The following FRMPD3 variants were observed in gnomAD, a reference collection of about 807,000 sequenced individuals.
FRMPD3 encodes FERM and PDZ domain containing 3.
In FRMPD3, 42 loss-of-function variants were observed where a neutral mutation model predicts 97.9. The ratio of observed to expected loss-of-function variants is 0.43; its 90% CI spans 0.34 to 0.55. The LOEUF is 0.55. Ranked by LOEUF, FRMPD3 falls within the 20% of genes least tolerant of loss-of-function variation. The pLI, the probability that FRMPD3 is intolerant of heterozygous loss-of-function variation, is 0.03. For missense variants in FRMPD3, 1,303 were observed against 1,457.7 expected, an observed-to-expected ratio of 0.89 and a Z score of 1.73; for synonymous variants, 577 against 581.1, an observed-to-expected ratio of 0.99 and a Z score of 0.10.
At chrX:107,540,145 C>T (rs1236135106) in intron 4 of FRMPD3, among the ~76,000 whole-genome samples, 3 of 111,203 alleles carry the variant, frequency 2.7e-5, no homozygotes, top group Non-Finnish European at 5.7e-5. Flanking sequence ...CTTTGGAAGT[C>T]AGGCAGAGGA....
intron 8 of FRMPD3, among the ~76,000 whole-genome samples, chrX:107,556,691 G>C (rs1440766151): frequency 8.9e-6 from 1 of 111,916 alleles, no homozygotes; most frequent in African/African-American, 3.2e-5. Flanking sequence ...ACTTTTTAGA[G>C]TTATATAGAA....
chrX:107,509,090 A>G (rs1032545020), intron 1 of FRMPD3, among the ~76,000 whole-genome samples: 2 of 111,893 alleles, frequency 1.8e-5, no homozygotes, highest in Non-Finnish European at 3.8e-5. Flanking sequence ...CGCTCCCCCC[A>G]GCTTGGCCTC....
chrX:107,562,136 A>C (rs1922397562), intron 10 of FRMPD3, among the ~76,000 whole-genome samples: 1 of 112,663 alleles, frequency 8.9e-6, no homozygotes, highest in Non-Finnish European at 1.9e-5. Flanking sequence ...TTTCCCAGGC[A>C]GAGAGATCCA....
chrX:107,565,987 G>A (rs1022993780), intron 12 of FRMPD3, among the ~76,000 whole-genome samples: 2 of 112,405 alleles, frequency 1.8e-5, no homozygotes, highest in African/African-American at 6.5e-5. Flanking sequence ...GGGAAGAAGG[G>A]GAACATGCAG....
chrX:107,497,536 G>A (rs1257297633), intron 1 of FRMPD3, among the ~76,000 whole-genome samples: 1 of 112,145 alleles, frequency 8.9e-6, no homozygotes, highest in Admixed American at 9.4e-5. Context: ...TTGCATAGAC[G>A]AATGCAGACT....
chrX:107,554,734 C>A, intron 8 of FRMPD3: 1 of 361,345 alleles, frequency 2.8e-6, no homozygotes, highest in East Asian at 4.3e-5. Context: ...CAGATCTCAT[C>A]AGTTTTCAGA....
At chrX:107,456,142 T>C (rs1031195368) in intron 1 of FRMPD3, among the ~76,000 whole-genome samples, 1 of 110,260 alleles carries the variant, frequency 9.1e-6, no homozygotes, top group Non-Finnish European at 1.9e-5. Flanking sequence ...TGGCTCACTG[T>C]AGCCTCAAAC....
rs1194415691 is a variant in FRMPD3 at position 107,597,756 on chromosome X, G to C, written c.1877G>C (p.Arg626Pro). The C allele has an allele frequency of 8.4e-7, 1 of 1,193,828 alleles. No individual in the cohort carries two copies. Among genetic ancestry groups the C allele is most frequent in the Non-Finnish European group, 1.1e-6 (1 of 886,778 alleles). The change falls in exon 14 of 15, where the codon CGC becomes CCC. Residue 626 changes from arginine to proline, a missense_variant. Physicochemically the swap from Arg to Pro is moderately radical, Grantham distance 103. Transcript: ENST00000683843. The stretch of plus-strand genomic sequence containing the variant: ...AAACTTCAGGAGCAGCTGGGCCCTC[G>C]CAAAGGTGGGAAGCCTGGCTCCTCT... ...KAKLQEQLGPRKGGKPGSSRD... is the reference protein window; with the variant it reads ...KAKLQEQLGPPKGGKPGSSRD...
chrX:107,564,916 G>T lies in FRMPD3; in HGVS notation c.1146G>T (p.Leu382=), dbSNP rs1299636224. 1 of 1,210,745 alleles carries T rather than the reference G, an allele frequency of 8.3e-7. No individual in the cohort carries two copies. Among genetic ancestry groups the T allele is most frequent in the Admixed American group, 2.2e-5 (1 of 46,046 alleles). Residue 382 remains leucine (L), a synonymous_variant, in exon 12 of 15, where the codon CTG becomes CTT. Transcript: ENST00000683843. ...AGAAGCAGTCGGCCACCACGCTCCT[G>T]GTGGGACCCCGTCATGGCATCAGCC... ...LDEKQSATTL[L]VGPRHGISHV...
chrX:107,477,283 AG>A (rs1244476438), intron 1 of FRMPD3, among the ~76,000 whole-genome samples: 1 of 97,904 alleles, frequency 1.0e-5, no homozygotes, highest in Non-Finnish European at 2.0e-5. Flanking sequence ...TGGGTGCCCT[AG>A]GGCTGCTGGC....
At chrX:107,524,937 A>G (rs1922633339) in intron 1 of FRMPD3, among the ~76,000 whole-genome samples, 1 of 92,532 alleles carries the variant, frequency 1.1e-5, no homozygotes, top group African/African-American at 4.4e-5. Flanking sequence ...TGGAGGTTGC[A>G]GTGAGCCGAG....
chrX:107,461,845 G>C (rs918475468), intron 1 of FRMPD3, among the ~76,000 whole-genome samples: 1 of 109,103 alleles, frequency 9.2e-6, no homozygotes, highest in Non-Finnish European at 1.9e-5. Flanking sequence ...GTCTGTCTGT[G>C]TGTATCCCTC....
At position 107,576,474 on chromosome X, in the gene FRMPD3, C is replaced by T. The variant is rs755551549; in HGVS notation, c.1441+15C>T. Reference sequence around the variant, plus strand: ...GATCAAGGCAGGTAGGGCTCAACCTCGGTTGGTTTTTGCTGTGCCAGAGGC... The same window carrying T: ...GATCAAGGCAGGTAGGGCTCAACCTTGGTTGGTTTTTGCTGTGCCAGAGGC... On this transcript the variant is annotated intron_variant, in intron 13 of 14. Transcript: ENST00000683843. 9 of 1,206,118 alleles carry T rather than the reference C, an allele frequency of 7.5e-6. No homozygotes were observed. In the African/African-American group the frequency reaches 1.1e-4, roughly 14 times the overall value.
chrX:107,450,433 A>G (rs897002472), intron 1 of FRMPD3, among the ~76,000 whole-genome samples: 1 of 111,051 alleles, frequency 9.0e-6, no homozygotes, highest in Non-Finnish European at 1.9e-5. Context: ...GCTGCCAGAA[A>G]CAGCTGTCTG....
intron 4 of FRMPD3, among the ~76,000 whole-genome samples, 177 bp downstream of exon 4, chrX:107,533,727 C>A (rs1212150065): frequency 2.7e-5 from 3 of 111,942 alleles, no homozygotes; most frequent in African/African-American, 9.7e-5. Flanking sequence ...TGCTCATGTC[C>A]AAAGCTGAGG....
chrX:107,577,576 G>A (rs185557313), intron 13 of FRMPD3, among the ~76,000 whole-genome samples: 1 of 109,603 alleles, frequency 9.1e-6, no homozygotes, highest in East Asian at 2.8e-4. Flanking sequence ...TTGAACCCTG[G>A]AGGCAGAGGT....
At chrX:107,565,188 C>T (rs1922547517) in intron 12 of FRMPD3, 122 bp downstream of exon 12, 3 of 683,266 alleles carry the variant, frequency 4.4e-6, no homozygotes, top group Non-Finnish European at 6.4e-6. Flanking sequence ...TGAAGTGGTT[C>T]AACCCTGGGA....
chrX:107,578,692 C>T (rs1478488103), intron 13 of FRMPD3, among the ~76,000 whole-genome samples: 2 of 111,829 alleles, frequency 1.8e-5, no homozygotes, highest in Non-Finnish European at 3.8e-5. Context: ...GCTCTTCCTT[C>T]GCCATCTCTT....
chrX:107,525,873 C>T (rs773080946), intron 1 of FRMPD3, among the ~76,000 whole-genome samples: 84 of 110,796 alleles, frequency 7.6e-4, no homozygotes, highest in Non-Finnish European at 1.4e-3. Context: ...GCCAGGAGTT[C>T]GAGACCAGCC....
Sources: allele counts gnomAD v4.1 joint callset (sites outside exome capture counted in the v4.1 genomes callset), GRCh38; gene constraint gnomAD v4.1.1; transcripts MANE v1.5; gene names NCBI Gene and HGNC (gene_info 2026-07-23, HGNC 2026-07-21).